The following DOCK10 variants were observed in gnomAD, a reference collection of about 807,000 sequenced individuals.
DOCK10 encodes dedicator of cytokinesis protein 10.
A neutral mutation model predicts 280.1 loss-of-function variants in DOCK10; 145 were observed. The ratio of observed to expected loss-of-function variants is 0.52; its 90% CI spans 0.45 to 0.59. The LOEUF (loss-of-function observed/expected upper bound fraction) is 0.59, where lower values mean the gene tolerates loss of function less well. DOCK10 is among the 20% of genes least tolerant of loss of function. The pLI is 0.00. For missense variants in DOCK10, 2,368 were observed against 2,651.7 expected (o/e 0.89, Z 2.35); for synonymous variants, 915 against 942.2 (o/e 0.97, Z 0.53).
chr2:224,888,355 GTGTC>G (rs972207972), intron 4 of DOCK10, among the ~76,000 whole-genome samples: 2 of 151,820 alleles, frequency 1.3e-5, no homozygotes, highest in African/African-American at 2.4e-5. Context: ...ACATATGTGT[GTGTC>G]TGTATGTATT....
chr2:224,938,196 C>T (rs1395102765), intron 1 of DOCK10, among the ~76,000 whole-genome samples: 3 of 152,198 alleles, frequency 2.0e-5, no homozygotes, highest in Non-Finnish European at 4.4e-5. Context: ...TATGTTCTTT[C>T]TGTGACATGC....
At chr2:224,947,087 C>T in intron 1 of DOCK10, 1 of 1,356,990 alleles carries the variant, frequency 7.4e-7, no homozygotes, top group South Asian at 1.8e-5. Flanking sequence ...ATGAATGTAA[C>T]TCAACAGAAA....
chr2:225,001,083 G>C (rs542204173), intron 1 of DOCK10, among the ~76,000 whole-genome samples: 4 of 152,314 alleles, frequency 2.6e-5, no homozygotes, highest in African/African-American at 9.6e-5. Flanking sequence ...TCAACAGTGG[G>C]ATGCCAAACA....
intron 26 of DOCK10, 61 bp downstream of exon 26, chr2:224,834,089 C>T (rs532599086): frequency 2.1e-4 from 200 of 951,406 alleles, no homozygotes; most frequent in Non-Finnish European, 3.1e-4. Context: ...TATCATTTTC[C>T]AGGAGTAAGC....
At chr2:224,960,454 G>A (rs911822520) in intron 1 of DOCK10, among the ~76,000 whole-genome samples, 2 of 152,216 alleles carry the variant, frequency 1.3e-5, no homozygotes, top group Non-Finnish European at 2.9e-5. Flanking sequence ...GCTTAGAGGA[G>A]TTGGTTTGGC....
At chr2:224,865,969 A>T (rs1410525880) in intron 11 of DOCK10, among the ~76,000 whole-genome samples, 1 of 151,986 alleles carries the variant, frequency 6.6e-6, no homozygotes, top group Non-Finnish European at 1.5e-5. Flanking sequence ...CAAGTTTCCC[A>T]TATTATTCCT....
intron 31 of DOCK10, among the ~76,000 whole-genome samples, chr2:224,809,419 G>A (rs918551003): frequency 1.3e-5 from 2 of 152,070 alleles, no homozygotes; most frequent in Non-Finnish European, 2.9e-5. Context: ...ACTACAGATT[G>A]GGAGAAAATG....
At chr2:225,008,667 G>C (rs902228794) in intron 1 of DOCK10, among the ~76,000 whole-genome samples, 4 of 152,120 alleles carry the variant, frequency 2.6e-5, no homozygotes, top group African/African-American at 9.7e-5. Flanking sequence ...TGCTGGGATT[G>C]TGAAAAAAAT....
At chr2:224,840,630 T>C (rs902804400) in intron 23 of DOCK10, among the ~76,000 whole-genome samples, 1 of 152,076 alleles carries the variant, frequency 6.6e-6, no homozygotes, top group Non-Finnish European at 1.5e-5. Flanking sequence ...GGAGAGGGTG[T>C]GGAGGAGAAG....
intron 14 of DOCK10, among the ~76,000 whole-genome samples, chr2:224,859,516 G>C (rs1697364314): frequency 6.6e-6 from 1 of 152,146 alleles, no homozygotes; most frequent in African/African-American, 2.4e-5. Context: ...CTGTAAAATG[G>C]TACTGCAGCT....
At chr2:224,950,289 T>C (rs1042853172) in intron 1 of DOCK10, among the ~76,000 whole-genome samples, 3 of 152,174 alleles carry the variant, frequency 2.0e-5, no homozygotes, top group African/African-American at 7.2e-5. Flanking sequence ...AAATAAAAAA[T>C]GAGAGCTGAA....
Position 224,862,652 on chromosome 2 carries a change from C to T in DOCK10, c.1685+12G>A. 2.5e-6 allele frequency: 4 copies of T among 1,608,852 alleles called. No individual in the cohort carries two copies. Among genetic ancestry groups the T allele is most frequent in the Non-Finnish European group, 3.4e-6 (4 of 1,175,534 alleles). On this transcript the variant is annotated intron_variant, in intron 14 of 55. Coordinates refer to ENST00000258390, the MANE Select transcript of DOCK10 (RefSeq NM_014689.3). ...TGTATTTCTAGTCTGTTGGCTGCAA[C>T]TGTCAACATACCTTACTGCCCAAGC...
chr2:224,921,525 C>T (rs1473776443), intron 2 of DOCK10, among the ~76,000 whole-genome samples: 4 of 151,586 alleles, frequency 2.6e-5, no homozygotes, highest in Admixed American at 2.6e-4. Context: ...TAATTCAGGC[C>T]GAGTTACAAA....
intron 4 of DOCK10, 139 bp from the exon 5 acceptor site, chr2:224,886,670 C>T: frequency 1.5e-6 from 1 of 661,350 alleles, no homozygotes; most frequent in South Asian, 2.0e-5. Context: ...TTTTGAGTGT[C>T]TCATTTCCTT....
chr2:224,980,624 C>T (rs148074900), intron 1 of DOCK10, among the ~76,000 whole-genome samples: 1 of 152,290 alleles, frequency 6.6e-6, no homozygotes, highest in East Asian at 1.9e-4. Flanking sequence ...GCACATTTTA[C>T]TCAGAGTAGT....
intron 4 of DOCK10, among the ~76,000 whole-genome samples, chr2:224,894,942 AT>A (rs1699898535): frequency 6.6e-6 from 1 of 152,168 alleles, no homozygotes; most frequent in African/African-American, 2.4e-5. Flanking sequence ...TGAAAGTAAA[AT>A]CCAAGCTCCT....
At chr2:224,828,077 T>G (rs1360372849) in intron 27 of DOCK10, among the ~76,000 whole-genome samples, 1 of 152,050 alleles carries the variant, frequency 6.6e-6, no homozygotes, top group Non-Finnish European at 1.5e-5. Flanking sequence ...CCTTGAGGAG[T>G]TGTCCCGCCT....
intron 1 of DOCK10, among the ~76,000 whole-genome samples, chr2:224,971,529 A>G (rs1249325507): frequency 2.0e-5 from 3 of 152,190 alleles, no homozygotes; most frequent in Non-Finnish European, 4.4e-5. Flanking sequence ...GGACAAATGC[A>G]GTAATAGCTA....
At chr2:224,824,215 T>C (rs1694693998) in intron 27 of DOCK10, among the ~76,000 whole-genome samples, 1 of 152,162 alleles carries the variant, frequency 6.6e-6, no homozygotes, top group African/African-American at 2.4e-5. Context: ...TTTAACTCCC[T>C]GGTCCCAGTA....
Sources: allele counts gnomAD v4.1 joint callset (sites outside exome capture counted in the v4.1 genomes callset), GRCh38; gene constraint gnomAD v4.1.1; transcripts MANE v1.5; gene names NCBI Gene and HGNC (gene_info 2026-07-23, HGNC 2026-07-21).